The following AGAP1 variants were observed in gnomAD, a reference collection of about 807,000 sequenced individuals.
The protein encoded by AGAP1 is arf-GAP with GTPase, ANK repeat and PH domain-containing protein 1.
In AGAP1, 29 loss-of-function variants were observed where a neutral mutation model predicts 105.3. The observed-to-expected ratio is 0.28, with a 90% confidence interval of 0.21 to 0.38. The LOEUF (loss-of-function observed/expected upper bound fraction) is 0.38. Ranked by LOEUF, AGAP1 falls within the 10% of genes least tolerant of loss-of-function variation. The pLI, the probability that AGAP1 is intolerant of heterozygous loss-of-function variation, is 1.00. For missense variants in AGAP1, 998 were observed against 1,165.1 expected (o/e 0.86, Z 2.09); for synonymous variants, 509 against 485.9 (o/e 1.05, Z -0.63).
chr2:235,878,320 A>G (rs2049847070), intron 9 of AGAP1, among the ~76,000 whole-genome samples: 1 of 152,180 alleles, frequency 6.6e-6, no homozygotes, highest in Non-Finnish European at 1.5e-5. Flanking sequence ...AAGCCATCAC[A>G]CACAAGTCCA....
At chr2:235,860,016 A>G (rs187979687) in intron 9 of AGAP1, among the ~76,000 whole-genome samples, 8 of 152,338 alleles carry the variant, frequency 5.3e-5, no homozygotes, top group Middle Eastern at 6.8e-3. Flanking sequence ...GCCCAGTCTC[A>G]TAATTGCTTT....
intron 1 of AGAP1, among the ~76,000 whole-genome samples, chr2:235,652,747 C>T (rs759901265): frequency 1.3e-5 from 2 of 152,040 alleles, no homozygotes; most frequent in African/African-American, 2.4e-5. Flanking sequence ...CAAAAATTAG[C>T]CAGTTGTGGT....
chr2:236,092,056 A>G lies in AGAP1; in HGVS notation c.2115-28136A>G, dbSNP rs539815293. Among the ~76,000 whole-genome samples the G allele has an allele frequency of 1.7e-4, 26 of 152,370 alleles. No individual in the cohort carries two copies. The East Asian group carries it at 5.0e-3, about 29-fold the overall frequency. On this transcript the variant is annotated intron_variant, in intron 16 of 17. Coordinates refer to ENST00000304032, the MANE Select transcript of AGAP1 (RefSeq NM_001037131.3). This position sits in a 1 kb window ranked among gnomAD's most constrained non-coding sequence, Gnocchi z 4.7. Reference sequence around the variant, plus strand: ...TGCTGTAGGATTCCATTTATGTATCACTGTTGATATTACAGAATTACGGAG... The same window carrying G: ...TGCTGTAGGATTCCATTTATGTATCGCTGTTGATATTACAGAATTACGGAG...
intron 11 of AGAP1, among the ~76,000 whole-genome samples, chr2:235,912,396 G>A (rs1219689607): frequency 6.6e-6 from 1 of 152,150 alleles, no homozygotes; most frequent in Non-Finnish European, 1.5e-5. Context: ...AGGTATTAGA[G>A]AGCTGTTTTT....
Position 235,692,191 on chromosome 2 carries a change from C to T in AGAP1, c.164-16988C>T, listed in dbSNP as rs1012283687. 8.5e-5 allele frequency among the ~76,000 whole-genome samples: 13 copies of T among 152,152 alleles called. No individual in the cohort carries two copies. Among genetic ancestry groups the T allele is most frequent in the African/African-American group, 2.9e-4 (12 of 41,448 alleles). ...GGGGCTCCCTGGCAGATGCCCCTAC[C>T]TGGCCAGGTCTCGTCGTGTCTAGGT... On this transcript the variant is annotated intron_variant, in intron 1 of 17. Transcript: ENST00000304032. The surrounding 1 kb of genome is among the most constrained non-coding windows in gnomAD (Gnocchi z 5.8).
chr2:236,106,926 C>T (rs529724141), intron 16 of AGAP1, among the ~76,000 whole-genome samples: 5 of 151,394 alleles, frequency 3.3e-5, no homozygotes, highest in African/African-American at 1.2e-4. Context: ...GCTGCCCTGG[C>T]CTATGGTGCA....
rs373486031 is a variant in AGAP1 at position 235,963,855 on chromosome 2, C to T, written c.1484-4607C>T. Among the ~76,000 whole-genome samples, 32 of 152,274 alleles carry T rather than the reference C, an allele frequency of 2.1e-4. No individual in the cohort carries two copies. Among genetic ancestry groups the T allele is most frequent in the African/African-American group, 7.2e-4 (30 of 41,554 alleles). ...TGGTGGCCTGGAATAGAGAGCCTAG[C>T]GGTAGACCTACCACGCCCCTGTGGA... On this transcript the variant is annotated intron_variant, in intron 12 of 17. Coordinates refer to ENST00000304032, the MANE Select transcript of AGAP1 (RefSeq NM_001037131.3). This position sits in a 1 kb window ranked among gnomAD's most constrained non-coding sequence, Gnocchi z 5.1.
chr2:236,057,704 T>TA, intron 16 of AGAP1, among the ~76,000 whole-genome samples: 2 of 152,352 alleles, frequency 1.3e-5, no homozygotes, highest in Admixed American at 1.3e-4. Flanking sequence ...TCTCAGGCCA[T>TA]AGAGTTCCTG....
Position 236,038,616 on chromosome 2 carries a change from G to C in AGAP1, c.1800+1901G>C, listed in dbSNP as rs1186587649. ...TGGGCATTGGTTGAACAGGTGTGAGGGCATAAAACATGGAAATACTGTCCA... is the reference window on the plus strand; with the variant it reads ...TGGGCATTGGTTGAACAGGTGTGAGCGCATAAAACATGGAAATACTGTCCA... On this transcript the variant is annotated intron_variant, in intron 14 of 17. Coordinates refer to ENST00000304032, the MANE Select transcript of AGAP1 (RefSeq NM_001037131.3). This position sits in a 1 kb window ranked among gnomAD's most constrained non-coding sequence, Gnocchi z 4.5. Among the ~76,000 whole-genome samples the C allele has an allele frequency of 6.6e-6, 1 of 152,144 alleles. No homozygotes were observed. Among genetic ancestry groups the C allele is most frequent in the Non-Finnish European group, 1.5e-5 (1 of 68,044 alleles).
intron 1 of AGAP1, among the ~76,000 whole-genome samples, chr2:235,597,836 G>A (rs1471206617): frequency 9.0e-4 from 59 of 65,698 alleles, no homozygotes; most frequent in African/African-American, 1.6e-3. Context: ...TTTGTGTGGA[G>A]CGTGCACGCG....
Position 236,042,668 on chromosome 2 carries a change from C to T in AGAP1, c.1891+1827C>T, listed in dbSNP as rs1039752373. ...CCATGATACCTGGCAAATCGGAGGT[C>T]GCAGGTCCTGTCTGAGATGAGCTTG... On this transcript the variant is annotated intron_variant, in intron 15 of 17. Transcript: ENST00000304032. This position sits in a 1 kb window ranked among gnomAD's most constrained non-coding sequence, Gnocchi z 5.6. Among the ~76,000 whole-genome samples the T allele has an allele frequency of 5.9e-5, 9 of 151,916 alleles. No individual in the cohort carries two copies. Among genetic ancestry groups the T allele is most frequent in the Admixed American group, 1.3e-4 (2 of 15,254 alleles).
At chr2:235,853,126 A>G in intron 9 of AGAP1, 4 of 1,199,004 alleles carry the variant, frequency 3.3e-6, no homozygotes, top group East Asian at 3.5e-5. Flanking sequence ...TTTTAAAGAA[A>G]AAAACATTTA....
chr2:235,675,028 T>C (rs1238941286), intron 1 of AGAP1, among the ~76,000 whole-genome samples: 1 of 151,832 alleles, frequency 6.6e-6, no homozygotes, highest in Non-Finnish European at 1.5e-5. Flanking sequence ...TTTATATTTT[T>C]ATTTTTTAAA....
chr2:236,098,806 T>G (rs997342327), intron 16 of AGAP1, among the ~76,000 whole-genome samples: 12 of 151,672 alleles, frequency 7.9e-5, no homozygotes, highest in African/African-American at 2.9e-4. Context: ...TTTTAATTTT[T>G]ATAGAAACAG....
At chr2:236,111,053 A>T (rs911095596) in intron 16 of AGAP1, among the ~76,000 whole-genome samples, 2 of 152,228 alleles carry the variant, frequency 1.3e-5, no homozygotes, top group African/African-American at 2.4e-5. Context: ...GGGCAGGGCC[A>T]TCATCACCTA....
chr2:236,044,676 C>T lies in AGAP1; in HGVS notation c.1891+3835C>T, dbSNP rs2057661437. On this transcript the variant is annotated intron_variant, in intron 15 of 17. Coordinates refer to ENST00000304032, the MANE Select transcript of AGAP1 (RefSeq NM_001037131.3). This position sits in a 1 kb window ranked among gnomAD's most constrained non-coding sequence, Gnocchi z 5.7. The stretch of plus-strand genomic sequence containing the variant: ...AGCACATCCAGGCTCTCATCTTTAG[C>T]TTGGCCCACAAATAGAACCTCCGGT... Among the ~76,000 whole-genome samples the T allele has an allele frequency of 1.3e-5, 2 of 152,266 alleles. No individual in the cohort carries two copies. Among genetic ancestry groups the T allele is most frequent in the South Asian group, 4.1e-4 (2 of 4,822 alleles).
At chr2:235,668,157 G>C (rs896184232) in intron 1 of AGAP1, among the ~76,000 whole-genome samples, 1 of 152,070 alleles carries the variant, frequency 6.6e-6, no homozygotes, top group Non-Finnish European at 1.5e-5. Flanking sequence ...GCCACAGAGG[G>C]TGCTCAGGTG....
chr2:236,086,946 TG>T (rs1457530438), intron 16 of AGAP1, among the ~76,000 whole-genome samples: 1 of 144,070 alleles, frequency 6.9e-6, no homozygotes, highest in Non-Finnish European at 1.5e-5. Flanking sequence ...AAGCAGCTGG[TG>T]GGTTTTGTGT....
chr2:235,839,856 G>A (rs1960603425), intron 9 of AGAP1, among the ~76,000 whole-genome samples: 1 of 152,168 alleles, frequency 6.6e-6, no homozygotes, highest in African/African-American at 2.4e-5. Context: ...CATTTTGGTA[G>A]CCTGATTTCC....
Sources: gnomAD v4.1 joint callset for allele counts (sites outside exome capture counted in the v4.1 genomes callset) on GRCh38, gnomAD v4.1.1 for gene constraint, Gnocchi (gnomAD v3.1) non-coding constraint, MANE v1.5 for transcripts, NCBI Gene and HGNC (gene_info 2026-07-23, HGNC 2026-07-21) for gene names.